The following SLC9A9 variants were observed in gnomAD, a reference collection of about 807,000 sequenced individuals.
SLC9A9 encodes solute carrier family 9 member A9.
Under a neutral mutation model 77.8 loss-of-function variants are expected in SLC9A9, and 62 were observed. The ratio of observed to expected loss-of-function variants is 0.80; its 90% CI spans 0.65 to 0.98. The LOEUF (loss-of-function observed/expected upper bound fraction) is 0.98. Ranked by LOEUF, SLC9A9 falls within the 50% of genes least tolerant of loss-of-function variation. The probability of loss-of-function intolerance (pLI) is 0.00; values close to 1 mark genes in which losing one functional copy is unlikely to be tolerated. For synonymous variants in SLC9A9, 320 were observed against 283.5 expected (o/e 1.13, Z -1.29); for missense variants, 775 against 774.9 (o/e 1.00, Z 0.00).
intron 4 of SLC9A9, among the ~76,000 whole-genome samples, chr3:143,716,554 C>T (rs1025532305): frequency 2.0e-5 from 3 of 152,054 alleles, no homozygotes; most frequent in African/African-American, 4.8e-5. Context: ...AGGACTCAGG[C>T]AAGTTTCTCC....
At chr3:143,275,032 T>G (rs745925013) in intron 14 of SLC9A9, among the ~76,000 whole-genome samples, 3 of 152,178 alleles carry the variant, frequency 2.0e-5, no homozygotes, top group Non-Finnish European at 4.4e-5. Flanking sequence ...TTCTCTCTAG[T>G]CACTTTGATT....
At chr3:143,652,867 C>T (rs1441657879) in intron 5 of SLC9A9, among the ~76,000 whole-genome samples, 1 of 151,396 alleles carries the variant, frequency 6.6e-6, no homozygotes, top group Non-Finnish European at 1.5e-5. Flanking sequence ...TCAACTGTCC[C>T]CCTCCCAACC....
At chr3:143,562,517 G>T (rs961153799) in intron 8 of SLC9A9, among the ~76,000 whole-genome samples, 1 of 151,860 alleles carries the variant, frequency 6.6e-6, no homozygotes, top group Non-Finnish European at 1.5e-5. Context: ...AAAATTTTTT[G>T]AATACAAAAC....
At chr3:143,301,254 C>A (rs144128666) in intron 14 of SLC9A9, among the ~76,000 whole-genome samples, 6 of 152,342 alleles carry the variant, frequency 3.9e-5, no homozygotes, top group Non-Finnish European at 8.8e-5. Context: ...AAAATGCATA[C>A]TTTGTAAGTC....
intron 6 of SLC9A9, among the ~76,000 whole-genome samples, chr3:143,626,547 A>G (rs193262808): frequency 0.016 from 2,396 of 150,734 alleles, 69 homozygotes; most frequent in African/African-American, 0.055. Flanking sequence ...GTTCTCACTC[A>G]TAGGTGGGAA....
At chr3:143,697,030 T>G (rs1218845300) in intron 4 of SLC9A9, among the ~76,000 whole-genome samples, 3 of 151,890 alleles carry the variant, frequency 2.0e-5, no homozygotes, top group Non-Finnish European at 4.4e-5. Flanking sequence ...ATTCCTGTTA[T>G]TTACAAGAAT....
intron 2 of SLC9A9, among the ~76,000 whole-genome samples, chr3:143,828,495 C>T (rs1051449334): frequency 1.3e-5 from 2 of 151,996 alleles, no homozygotes; most frequent in Admixed American, 6.6e-5. Context: ...CAAGCAAATA[C>T]ATGTATAATT....
rs536523322 is a variant in SLC9A9 at position 143,829,048 on chromosome 3, T to C, written c.378+2971A>G. 3.9e-5 allele frequency among the ~76,000 whole-genome samples: 6 copies of C among 152,304 alleles called. No individual in the cohort carries two copies. The East Asian group carries it at 5.8e-4, about 15-fold the overall frequency. ...TTGAAGCTTCCCAATGATTCCAAAG[T>C]GCAGAGAGTTTGGGAACCACTGACT... On this transcript the variant is annotated intron_variant, in intron 2 of 15. Transcript: ENST00000316549.
At chr3:143,573,442 C>G (rs1308446844) in intron 8 of SLC9A9, among the ~76,000 whole-genome samples, 1 of 152,200 alleles carries the variant, frequency 6.6e-6, no homozygotes, top group East Asian at 1.9e-4. Context: ...AGCACAAATC[C>G]TCATGGTTGC....
At chr3:143,452,578 A>C (rs1723031) in intron 12 of SLC9A9, among the ~76,000 whole-genome samples, 44,466 of 150,896 alleles carry the variant, frequency 0.29, 7,276 homozygotes, top group East Asian at 0.5. Context: ...ATATCTTATA[A>C]GTTTTTGCAA....
intron 14 of SLC9A9, among the ~76,000 whole-genome samples, chr3:143,304,054 G>C (rs2030660890): frequency 6.6e-6 from 1 of 152,134 alleles, no homozygotes; most frequent in African/African-American, 2.4e-5. Context: ...AGGTCTCTTA[G>C]ACCTTTGTGG....
intron 4 of SLC9A9, among the ~76,000 whole-genome samples, chr3:143,734,006 G>T (rs1156587491): frequency 1.3e-5 from 2 of 152,076 alleles, no homozygotes; most frequent in African/African-American, 4.8e-5. Context: ...AGACCAGCCT[G>T]GGAAACATAG....
chr3:143,678,308 A>G (rs1932950600), intron 5 of SLC9A9, among the ~76,000 whole-genome samples: 1 of 152,024 alleles, frequency 6.6e-6, no homozygotes, highest in South Asian at 2.1e-4. Context: ...TTTTCTTTTT[A>G]TATCTTCAAA....
chr3:143,367,707 A>G (rs13088980), intron 13 of SLC9A9, among the ~76,000 whole-genome samples: 1 of 152,200 alleles, frequency 6.6e-6, no homozygotes, highest in Non-Finnish European at 1.5e-5. Flanking sequence ...AGGTAGCATC[A>G]ATCTATCTGG....
intron 14 of SLC9A9, among the ~76,000 whole-genome samples, chr3:143,289,089 GACC>G (rs1332786148): frequency 6.6e-6 from 1 of 152,214 alleles, no homozygotes; most frequent in Non-Finnish European, 1.5e-5. Flanking sequence ...GCAGGACTGA[GACC>G]ACCTGATGAC....
At chr3:143,356,557 G>A (rs1165556459) in intron 14 of SLC9A9, among the ~76,000 whole-genome samples, 1 of 152,170 alleles carries the variant, frequency 6.6e-6, no homozygotes, top group Non-Finnish European at 1.5e-5. Flanking sequence ...ATCTCACTTT[G>A]TTGCCCAAGC....
intron 14 of SLC9A9, among the ~76,000 whole-genome samples, chr3:143,282,274 C>A (rs1399272045): frequency 6.6e-6 from 1 of 152,174 alleles, no homozygotes; most frequent in African/African-American, 2.4e-5. Context: ...AAACCCACAA[C>A]CCACTCAGAA....
At chr3:143,801,734 C>T (rs542173876) in intron 2 of SLC9A9, among the ~76,000 whole-genome samples, 119 of 152,260 alleles carry the variant, frequency 7.8e-4, no homozygotes, top group African/African-American at 2.5e-3. Flanking sequence ...TTGAGGCTAC[C>T]GCTCTGCCCT....
Position 143,455,080 on chromosome 3 carries a change from A to G in SLC9A9, c.1469+11957T>C, listed in dbSNP as rs547570828. Among the ~76,000 whole-genome samples, 15 of 152,348 alleles carry G rather than the reference A, an allele frequency of 9.8e-5. No individual in the cohort carries two copies. The South Asian group carries it at 2.1e-3, about 21-fold the overall frequency. Reference sequence around the variant, plus strand: ...TCCAAGGATTATGCAAGTCATGTGTATCAGGATGGGGAGGGGCAGAAAATG... The same window carrying G: ...TCCAAGGATTATGCAAGTCATGTGTGTCAGGATGGGGAGGGGCAGAAAATG... On this transcript the variant is annotated intron_variant, in intron 12 of 15. Transcript: ENST00000316549.
Sources: gnomAD v4.1 joint callset for allele counts (sites outside exome capture counted in the v4.1 genomes callset) on GRCh38, gnomAD v4.1.1 for gene constraint, MANE v1.5 for transcripts, NCBI Gene and HGNC (gene_info 2026-07-23, HGNC 2026-07-21) for gene names.